The following UBA6 variants were observed in gnomAD, a reference collection of about 807,000 sequenced individuals.
UBA6 encodes the protein ubiquitin like modifier activating enzyme 6.
Under a neutral mutation model 148.3 loss-of-function variants are expected in UBA6, and 87 were observed. That is an observed-to-expected ratio of 0.59 (90% confidence interval 0.49 to 0.70). The LOEUF (loss-of-function observed/expected upper bound fraction) is 0.70, where lower values mean the gene tolerates loss of function less well. UBA6 is among the 30% of genes least tolerant of loss of function. The pLI is 0.00. For missense variants in UBA6, 1,186 were observed against 1,241.2 expected, an observed-to-expected ratio of 0.96 and a Z score of 0.67; for synonymous variants, 376 against 401.0, an observed-to-expected ratio of 0.94 and a Z score of 0.75.
chr4:67,629,724 C>G (rs9884576), intron 26 of UBA6, among the ~76,000 whole-genome samples: 1,720 of 151,954 alleles, frequency 0.011, 41 homozygotes, highest in African/African-American at 0.039. Flanking sequence ...CTGATTTTCC[C>G]AAAAAGAATA....
intron 7 of UBA6, among the ~76,000 whole-genome samples, chr4:67,671,229 G>A (rs1730140884): frequency 6.6e-6 from 1 of 152,126 alleles, no homozygotes; most frequent in Non-Finnish European, 1.5e-5. Flanking sequence ...TAGAGCTACT[G>A]CTAATAAAGA....
chr4:67,683,495 T>G (rs911305577), intron 2 of UBA6, among the ~76,000 whole-genome samples: 2 of 152,182 alleles, frequency 1.3e-5, no homozygotes. Context: ...ACAGGCTGCA[T>G]GCGGCCCAGG....
At chr4:67,628,123 C>T (rs536725261) in intron 27 of UBA6, among the ~76,000 whole-genome samples, 20 of 151,806 alleles carry the variant, frequency 1.3e-4, no homozygotes, top group African/African-American at 4.8e-4. Flanking sequence ...AGTGGATCTT[C>T]AGTATTGTCT....
At chr4:67,683,842 A>G (rs552973010) in intron 2 of UBA6, among the ~76,000 whole-genome samples, 3 of 152,222 alleles carry the variant, frequency 2.0e-5, no homozygotes, top group South Asian at 2.1e-4. Flanking sequence ...GGAGGCCTAC[A>G]TGGGTGGATT....
intron 1 of UBA6, among the ~76,000 whole-genome samples, chr4:67,697,370 A>G (rs1012694208): frequency 6.6e-6 from 1 of 152,170 alleles, no homozygotes; most frequent in Non-Finnish European, 1.5e-5. Flanking sequence ...TTCTCTATAT[A>G]TACAGTCTTC....
chr4:67,654,784 C>T (rs1434733526), intron 13 of UBA6, among the ~76,000 whole-genome samples: 1 of 150,672 alleles, frequency 6.6e-6, no homozygotes, highest in Non-Finnish European at 1.5e-5. Flanking sequence ...GCTGTATTCA[C>T]GAGACCCATC....
intron 26 of UBA6, 134 bp from the exon 27 acceptor site, chr4:67,629,276 G>T: frequency 1.6e-6 from 1 of 616,664 alleles, no homozygotes; most frequent in Non-Finnish European, 2.9e-6. Flanking sequence ...ACATCCATTT[G>T]AGACATTTAT....
intron 4 of UBA6, 57 bp downstream of exon 4, chr4:67,681,506 A>C: frequency 2.5e-6 from 3 of 1,215,496 alleles, no homozygotes; most frequent in Non-Finnish European, 3.5e-6. Context: ...TTACCATAAC[A>C]AATGAGCCAA....
In UBA6 at chr4:67,641,353, A is replaced by G. The variant is rs192724707; in HGVS notation, c.1477-125T>C. On this transcript the variant is annotated intron_variant, in intron 17 of 32. Transcript: ENST00000322244. The stretch of plus-strand genomic sequence containing the variant: ...AATTAGTCTGGTTGGTAAAGGTCAT[A>G]ATGATACAAACATTCCCAAATAGTT... The G allele has an allele frequency of 2.5e-4, 150 of 603,202 alleles. 1 individual carries two copies. In the East Asian group the frequency reaches 4.2e-3, roughly 17 times the overall value. The allele number at this position is 603,202 out of a possible 1,614,324, so 37.4% of individuals were successfully genotyped here.
intron 2 of UBA6, among the ~76,000 whole-genome samples, chr4:67,684,304 T>C (rs1730508823): frequency 6.6e-6 from 1 of 152,176 alleles, no homozygotes; most frequent in African/African-American, 2.4e-5. Context: ...TTTTTCTAGT[T>C]ACCTGAAATA....
At chr4:67,687,235 C>T (rs1730594985) in intron 2 of UBA6, among the ~76,000 whole-genome samples, 1 of 151,808 alleles carries the variant, frequency 6.6e-6, no homozygotes, top group African/African-American at 2.4e-5. Context: ...GGGGTTTCAC[C>T]ATGTTGGTCA....
chr4:67,637,482 G>C (rs1729190267), intron 19 of UBA6, among the ~76,000 whole-genome samples: 1 of 152,216 alleles, frequency 6.6e-6, no homozygotes, highest in Admixed American at 6.5e-5. Context: ...TGGCGGTTTT[G>C]TAGAATAGAA....
At chr4:67,697,475 T>C (rs934179377) in intron 1 of UBA6, among the ~76,000 whole-genome samples, 10 of 152,234 alleles carry the variant, frequency 6.6e-5, no homozygotes, top group Non-Finnish European at 1.3e-4. Context: ...CTCCAGATTG[T>C]ATACAACTGC....
chr4:67,657,362 C>T (rs1729724780), intron 13 of UBA6, among the ~76,000 whole-genome samples: 3 of 152,084 alleles, frequency 2.0e-5, no homozygotes. Flanking sequence ...AGAACAGAGG[C>T]CTCAGAAATA....
chr4:67,657,031 A>T (rs1232981772), intron 13 of UBA6, among the ~76,000 whole-genome samples: 1 of 152,238 alleles, frequency 6.6e-6, no homozygotes, highest in African/African-American at 2.4e-5. Flanking sequence ...GAAATAAAAG[A>T]GGACACAAAC....
chr4:67,662,332 T>C lies in UBA6; in HGVS notation c.1038-77A>G. On this transcript the variant is annotated intron_variant, in intron 12 of 32. Coordinates refer to ENST00000322244, the MANE Select transcript of UBA6 (RefSeq NM_018227.6). ...CAGTAGGACATACTCAAAATTAAAA[T>C]TTAGGAAATATATAAAAGAATGTGG... is the stretch of plus-strand genomic sequence containing the variant. 5 of 1,286,674 alleles carry C rather than the reference T, an allele frequency of 3.9e-6. No individual in the cohort carries two copies. The South Asian group carries it at 5.8e-5, about 15-fold the overall frequency. The allele number at this position is 1,286,674 out of a possible 1,614,324, so 79.7% of individuals were successfully genotyped here.
rs1260093047 is a variant in UBA6 at position 67,670,521 on chromosome 4, TA to T, written c.617del (p.Leu206Ter). 6.2e-7 allele frequency: 1 copy of T among 1,602,772 alleles called. No homozygotes were observed. Among genetic ancestry groups the T allele is most frequent in the Non-Finnish European group, 8.5e-7 (1 of 1,169,782 alleles). ...CTTTTGGTTCTTCTCCTGTTGTATC[TA>T]AAACTTCAAATTCATCACCGAAATC... ...FCDFGDEFEV[L>X]DTTGEEPKEI... On this transcript the variant is annotated frameshift_variant, in exon 8 of 33. Coordinates refer to ENST00000322244, the MANE Select transcript of UBA6 (RefSeq NM_018227.6). LOFTEE classifies it high-confidence loss of function.
chr4:67,630,869 C>T (rs1055560514), intron 25 of UBA6, among the ~76,000 whole-genome samples: 3 of 152,048 alleles, frequency 2.0e-5, no homozygotes, highest in African/African-American at 7.2e-5. Context: ...AAATATTATA[C>T]ATTTGGTCTT....
At chr4:67,625,408 A>C (rs928601801) in intron 28 of UBA6, among the ~76,000 whole-genome samples, 4 of 151,704 alleles carry the variant, frequency 2.6e-5, no homozygotes, top group South Asian at 2.1e-4. Context: ...AAAAAAAAAA[A>C]ACGATGGTTT....
Sources: allele counts gnomAD v4.1 joint callset (sites outside exome capture counted in the v4.1 genomes callset), GRCh38; gene constraint gnomAD v4.1.1; transcripts MANE v1.5; gene names NCBI Gene and HGNC (gene_info 2026-07-23, HGNC 2026-07-21).